The following SLC12A1 variants were observed in gnomAD, a reference collection of about 807,000 sequenced individuals.
SLC12A1 encodes Na-K-2Cl cotransporter.
A neutral mutation model predicts 130.4 loss-of-function variants in SLC12A1; 89 were observed. That is an observed-to-expected ratio of 0.68 (90% CI 0.58 to 0.81). The LOEUF (loss-of-function observed/expected upper bound fraction) is 0.81, where lower values mean the gene tolerates loss of function less well. Ranked by LOEUF, SLC12A1 falls within the 40% of genes least tolerant of loss-of-function variation. The pLI is 0.00. For synonymous variants in SLC12A1, 499 were observed against 460.0 expected, an observed-to-expected ratio of 1.08 and a Z score of -1.09; for missense variants, 1,310 against 1,336.4, an observed-to-expected ratio of 0.98 and a Z score of 0.31.
chr15:48,301,938 A>G (rs138443338), intron 26 of SLC12A1, among the ~76,000 whole-genome samples: 1,895 of 152,308 alleles, frequency 0.012, 31 homozygotes, highest in Middle Eastern at 0.044. Flanking sequence ...AAAATCTCTA[A>G]TGACTTCACA....
intron 9 of SLC12A1, among the ~76,000 whole-genome samples, chr15:48,240,540 AC>A (rs1384474383): frequency 2.6e-5 from 4 of 152,068 alleles, no homozygotes; most frequent in African/African-American, 4.8e-5. Context: ...ACTATGCATG[AC>A]CTTTTTGATG....
intron 17 of SLC12A1, among the ~76,000 whole-genome samples, chr15:48,266,758 T>C (rs1309655654): frequency 6.6e-6 from 1 of 152,206 alleles, no homozygotes; most frequent in Non-Finnish European, 1.5e-5. Context: ...ACTTTTGGAT[T>C]GAATTACATC....
chr15:48,240,567 T>A (rs1404180697), intron 9 of SLC12A1, among the ~76,000 whole-genome samples: 1 of 152,158 alleles, frequency 6.6e-6, no homozygotes, highest in Non-Finnish European at 1.5e-5. Context: ...TTTCAGCATA[T>A]TTATGTTTTC....
At chr15:48,224,530 G>A (rs1258557880) in intron 4 of SLC12A1, 3 of 152,124 alleles carry the variant, frequency 2.0e-5, no homozygotes, top group African/African-American at 7.2e-5. Flanking sequence ...TCATTCATAG[G>A]GTGGCAAATG....
chr15:48,263,927 A>G (rs2041803178), intron 17 of SLC12A1, among the ~76,000 whole-genome samples: 1 of 152,250 alleles, frequency 6.6e-6, no homozygotes, highest in African/African-American at 2.4e-5. Context: ...TCCTGGGCTC[A>G]AGCGATTTGC....
intron 2 of SLC12A1, among the ~76,000 whole-genome samples, chr15:48,218,417 TAGA>T (rs148182904): frequency 2.6e-5 from 4 of 151,918 alleles, no homozygotes; most frequent in South Asian, 2.1e-4. Flanking sequence ...AAGAACAGGC[TAGA>T]AGAAGAAGAC....
intron 15 of SLC12A1, among the ~76,000 whole-genome samples, chr15:48,254,017 G>A (rs1244921296): frequency 1.3e-5 from 2 of 152,130 alleles, no homozygotes; most frequent in African/African-American, 4.8e-5. Context: ...AGTAATGAGA[G>A]TTCTTTATCT....
intron 23 of SLC12A1, among the ~76,000 whole-genome samples, chr15:48,291,351 CAT>C (rs1438558067): frequency 2.7e-5 from 4 of 150,758 alleles, no homozygotes; most frequent in Admixed American, 6.6e-5. Flanking sequence ...TATATATAAT[CAT>C]ATAATTTATC....
rs35787656 is a variant in SLC12A1, at chr15:48,207,584, A to G, written c.-136A>G. On this transcript the variant is annotated 5_prime_UTR_variant, in exon 2 of 27. Transcript: ENST00000380993. ...ATCGGAGACAATATATCAAGAATCTATTTATTGAATCATCTAGAACAAAAG... is the reference window on the plus strand; with the variant it reads ...ATCGGAGACAATATATCAAGAATCTGTTTATTGAATCATCTAGAACAAAAG... 9,106 of 579,698 alleles carry G rather than the reference A, an allele frequency of 0.016. 664 individuals are homozygous for G. In the African/African-American group the frequency reaches 0.16, roughly 10 times the overall value. 35.9% of individuals were successfully genotyped at this position (579,698 alleles called of 1,614,324 possible).
rs142900535 is a variant in SLC12A1 at position 48,250,902 on chromosome 15, G to A, written c.1787-713G>A. Among the ~76,000 whole-genome samples, 733 of 152,166 alleles carry A rather than the reference G, an allele frequency of 4.8e-3. 8 individuals carry two copies. Among genetic ancestry groups the A allele is most frequent in the Middle Eastern group, 0.044 (13 of 294 alleles). On this transcript the variant is annotated intron_variant, in intron 14 of 26. Transcript: ENST00000380993. ...CTTCGTATCAGAGCTTTTCCCTCCT[G>A]TCCATACTGTCTTCCAGTTGCTTCC...
intron 20 of SLC12A1, among the ~76,000 whole-genome samples, chr15:48,283,850 G>C (rs977632401): frequency 2.6e-5 from 4 of 151,952 alleles, no homozygotes; most frequent in African/African-American, 4.8e-5. Flanking sequence ...TCTGACAAGA[G>C]TGCCACCTCA....
intron 20 of SLC12A1, among the ~76,000 whole-genome samples, chr15:48,284,010 G>A (rs1040436788): frequency 8.5e-5 from 13 of 152,208 alleles, no homozygotes; most frequent in African/African-American, 3.1e-4. Flanking sequence ...CGTCACAATC[G>A]GAATCCAAAA....
Position 48,246,950 on chromosome 15 carries a change from G to T in SLC12A1, c.1494G>T (p.Ala498=), listed in dbSNP as rs371242796. The part of the protein sequence containing the change: ...MVSGFGPLIT[A]GIFSATLSSA... Reference sequence around the variant, plus strand: ...CAGGGTTCGGCCCCCTCATCACTGCGGGAATCTTTTCTGCAACACTCTCCT... The same window carrying T: ...CAGGGTTCGGCCCCCTCATCACTGCTGGAATCTTTTCTGCAACACTCTCCT... Residue 498 remains alanine (A), a synonymous_variant, in exon 12 of 27, where the codon GCG becomes GCT. Transcript: ENST00000380993. 4.3e-6 allele frequency: 7 copies of T among 1,613,944 alleles called. No homozygotes were observed. Among genetic ancestry groups the T allele is most frequent in the Non-Finnish European group, 5.9e-6 (7 of 1,179,876 alleles).
intron 20 of SLC12A1, among the ~76,000 whole-genome samples, chr15:48,284,038 G>C (rs1597453423): frequency 6.6e-6 from 1 of 152,242 alleles, no homozygotes; most frequent in African/African-American, 2.4e-5. Flanking sequence ...AAGGCAGCCA[G>C]ATACAACATC....
chr15:48,292,466 C>CA (rs1384829020), intron 24 of SLC12A1, among the ~76,000 whole-genome samples: 2 of 152,114 alleles, frequency 1.3e-5, no homozygotes, highest in Non-Finnish European at 2.9e-5. Context: ...TAAATATCTT[C>CA]AAAATGTGAC....
intron 22 of SLC12A1, 103 bp from the exon 23 acceptor site, chr15:48,288,302 C>T: frequency 8.8e-7 from 1 of 1,134,474 alleles, no homozygotes; most frequent in Non-Finnish European, 1.3e-6. Context: ...AAGACTATAA[C>T]TTAATTAAGA....
intron 23 of SLC12A1, among the ~76,000 whole-genome samples, chr15:48,289,968 A>G (rs1433555787): frequency 6.6e-6 from 1 of 152,222 alleles, no homozygotes; most frequent in Non-Finnish European, 1.5e-5. Context: ...TTTTTCTTCA[A>G]TAATAAATTA....
intron 20 of SLC12A1, among the ~76,000 whole-genome samples, chr15:48,280,641 T>A (rs1408883242): frequency 6.6e-6 from 1 of 152,148 alleles, no homozygotes; most frequent in Non-Finnish European, 1.5e-5. Flanking sequence ...TCCCAGTAGG[T>A]ACCATTAAAG....
chr15:48,294,347 CAA>C (rs1202623612), intron 24 of SLC12A1, among the ~76,000 whole-genome samples: 10 of 46,358 alleles, frequency 2.2e-4, no homozygotes, highest in African/African-American at 2.9e-4. Context: ...GACTACATCT[CAA>C]AAAAAAAAAA....
Sources: allele counts gnomAD v4.1 joint callset (sites outside exome capture counted in the v4.1 genomes callset), GRCh38; gene constraint gnomAD v4.1.1; transcripts MANE v1.5; gene names NCBI Gene and HGNC (gene_info 2026-07-23, HGNC 2026-07-21).